Variants in FHL1 observed in about 807,000 individuals in gnomAD.
The protein encoded by FHL1 is four and a half LIM domains protein 1.
FHL1 carries 1 observed loss-of-function variant against 20.3 expected under a neutral mutation model. That is an observed-to-expected ratio of 0.05 (90% CI 0.02 to 0.23). The LOEUF (loss-of-function observed/expected upper bound fraction) is 0.23, where lower values mean the gene tolerates loss of function less well. FHL1 is among the 10% of genes least tolerant of loss of function. FHL1 has a pLI of 1.00. For missense variants in FHL1, 177 were observed against 234.0 expected, an observed-to-expected ratio of 0.76 and a Z score of 1.59; for synonymous variants, 82 against 88.9, an observed-to-expected ratio of 0.92 and a Z score of 0.44.
At chrX:136,173,807 T>C (rs912733413) in intron 2 of FHL1, among the ~76,000 whole-genome samples, 2 of 108,968 alleles carry the variant, frequency 1.8e-5, no homozygotes, top group African/African-American at 6.7e-5. Context: ...CACGCCATTC[T>C]CCTGCCTCAG....
chrX:136,209,087 T>C, intron 5 of FHL1: 1 of 473,869 alleles, frequency 2.1e-6, no homozygotes. Flanking sequence ...TTTGGTTTGC[T>C]GTTTATTTGT....
chrX:136,210,309 G>T lies in FHL1; in HGVS notation c.*284G>T. The T allele has an allele frequency of 6.8e-6, 3 of 444,132 alleles. No homozygotes were observed. The highest frequency in any genetic ancestry group is 1.2e-5 in the Non-Finnish European group (3 of 243,355). 36.6% of individuals were successfully genotyped at this position (444,132 alleles called of 1,213,427 possible). A position where few individuals can be genotyped will look rare whatever the true frequency, so the allele number is the denominator to read the frequency against. On this transcript the variant is annotated 3_prime_UTR_variant, in exon 6 of 6. Transcript: ENST00000370683. Reference sequence around the variant, plus strand: ...TCTTCTGCATGTTTCTCATAGAGCAGAAAAGTGCTAATCATTTAGCCACTT... The same window carrying T: ...TCTTCTGCATGTTTCTCATAGAGCATAAAAGTGCTAATCATTTAGCCACTT...
At chrX:136,148,979 C>T (rs1191901609) in intron 1 of FHL1, among the ~76,000 whole-genome samples, 4 of 112,249 alleles carry the variant, frequency 3.6e-5, no homozygotes, top group African/African-American at 1.3e-4. Context: ...ATTATCCGAG[C>T]CCCCTTTGAT....
chrX:136,209,556 A>G, intron 5 of FHL1: 1 of 770,516 alleles, frequency 1.3e-6, no homozygotes, highest in Admixed American at 3.1e-5. Flanking sequence ...TGCGCGTCAC[A>G]GGGCAATAGC....
At chrX:136,151,442 T>G (rs1264980436) in intron 1 of FHL1, among the ~76,000 whole-genome samples, 1 of 112,661 alleles carries the variant, frequency 8.9e-6, no homozygotes, top group Non-Finnish European at 1.9e-5. Context: ...CCAGGTGCTG[T>G]GGTTCACGCC....
chrX:136,165,643 T>G (rs1342709655), upstream of FHL1, among the ~76,000 whole-genome samples: 1 of 112,030 alleles, frequency 8.9e-6, no homozygotes, highest in Non-Finnish European at 1.9e-5. Context: ...AATGAGTCTG[T>G]GGGGGATCAT....
chrX:136,209,383 C>G (rs1387058246), intron 5 of FHL1: 1 of 1,211,112 alleles, frequency 8.3e-7, no homozygotes, highest in Non-Finnish European at 1.1e-6. Context: ...GAGGACTTGT[C>G]CCTCGTGGGT....
chrX:136,173,983 C>G, intron 2 of FHL1, among the ~76,000 whole-genome samples: 1 of 111,844 alleles, frequency 8.9e-6, no homozygotes, highest in Non-Finnish European at 1.9e-5. Context: ...CAGGCGTGAG[C>G]CCCCGCACCT....
At chrX:136,207,719 G>T (rs28764018) in intron 3 of FHL1, 73 bp from the exon 4 acceptor site, 2 of 1,129,499 alleles carry the variant, frequency 1.8e-6, no homozygotes, top group South Asian at 1.8e-5. Flanking sequence ...GGAGGGCCTG[G>T]GGAGGGGAGC....
chrX:136,169,665 G>A (rs919143046), exon 1 of FHL1: 1 of 290,732 alleles, frequency 3.4e-6, no homozygotes, highest in Middle Eastern at 1.2e-3. Context: ...GAGCTAATAC[G>A]GCTTGATAAT....
chrX:136,202,375 A>G (rs1046949245), intron 1 of FHL1, among the ~76,000 whole-genome samples: 4 of 109,859 alleles, frequency 3.6e-5, no homozygotes, highest in Non-Finnish European at 7.6e-5. Context: ...AACAACAACA[A>G]AGAGGTAAAA....
intron 1 of FHL1, among the ~76,000 whole-genome samples, chrX:136,204,206 C>T (rs765596368): frequency 8.9e-6 from 1 of 112,583 alleles, no homozygotes; most frequent in South Asian, 3.7e-4. Flanking sequence ...TGCCACTTGC[C>T]GTTACTGGAG....
chrX:136,173,344 T>C (rs1170745049), intron 2 of FHL1, among the ~76,000 whole-genome samples: 2 of 112,416 alleles, frequency 1.8e-5, no homozygotes, highest in African/African-American at 3.2e-5. Context: ...AAACACAAAA[T>C]TTTGAAATAC....
upstream of FHL1, among the ~76,000 whole-genome samples, chrX:136,167,296 T>C (rs1421150293): frequency 9.0e-6 from 1 of 111,323 alleles, no homozygotes; most frequent in African/African-American, 3.3e-5. Context: ...ACCTCCACCT[T>C]CCAGGTTCAA....
intron 1 of FHL1, among the ~76,000 whole-genome samples, chrX:136,149,682 T>C (rs904059988): frequency 9.8e-5 from 11 of 111,712 alleles, no homozygotes; most frequent in Non-Finnish European, 1.5e-4. Context: ...CTAAGAAAAA[T>C]TGTGTAAGAT....
chrX:136,181,329 T>C (rs2073153508), intron 2 of FHL1, among the ~76,000 whole-genome samples: 1 of 111,817 alleles, frequency 8.9e-6, no homozygotes, highest in South Asian at 3.8e-4. Context: ...GAGTATCTGC[T>C]TTAAACTTGA....
chrX:136,186,853 CAA>C (rs1158651934), intron 2 of FHL1, among the ~76,000 whole-genome samples: 1,684 of 21,361 alleles, frequency 0.079, 45 homozygotes, highest in African/African-American at 0.15. Context: ...GACTCCATCT[CAA>C]AAAAAAAAAA....
chrX:136,180,224 G>T (rs991101910), intron 2 of FHL1, among the ~76,000 whole-genome samples: 2 of 112,007 alleles, frequency 1.8e-5, no homozygotes, highest in African/African-American at 6.5e-5. Flanking sequence ...TCCCCGCTTC[G>T]TTATATGGTC....
At position 136,190,171 on chromosome X, in the gene FHL1, T is replaced by C. The variant is rs773119721; in HGVS notation, c.-26-16236T>C. 3.6e-5 allele frequency among the ~76,000 whole-genome samples: 4 copies of C among 111,722 alleles called. No homozygotes were observed. In the South Asian group the frequency reaches 1.5e-3, roughly 42 times the overall value. On this transcript the variant is annotated intron_variant, in intron 2 of 6. Coordinates refer to the FHL1 transcript ENST00000394153. ...ATGGGGTGTGATCTTTCCACGTACA[T>C]GTCCTTTGATGGCTTCTGCTCCTCT...
Sources: allele counts gnomAD v4.1 joint callset (sites outside exome capture counted in the v4.1 genomes callset), GRCh38; gene constraint gnomAD v4.1.1; transcripts MANE v1.5; gene names NCBI Gene and HGNC (gene_info 2026-07-23, HGNC 2026-07-21).